Variants in TTC28 observed in about 807,000 individuals in gnomAD.
TTC28 encodes the protein tetratricopeptide repeat protein 28.
TTC28 carries 61 observed loss-of-function variants against 198.0 expected under a neutral mutation model. The observed-to-expected ratio is 0.31, with a 90% CI of 0.25 to 0.38. The LOEUF (loss-of-function observed/expected upper bound fraction) is 0.38. Among genes scored for constraint, TTC28 ranks in the 10% least tolerant of loss-of-function variants. The pLI, the probability that TTC28 is intolerant of heterozygous loss-of-function variation, is 1.00. For synonymous variants in TTC28, 1,171 were observed against 1,297.8 expected, an observed-to-expected ratio of 0.90 and a Z score of 2.10; for missense variants, 2,678 against 3,164.0, an observed-to-expected ratio of 0.85 and a Z score of 3.69.
At chr22:28,282,012 T>C (rs1035039227) in intron 5 of TTC28, among the ~76,000 whole-genome samples, 3 of 152,124 alleles carry the variant, frequency 2.0e-5, no homozygotes, top group Non-Finnish European at 4.4e-5. Flanking sequence ...CAAGTTTCTA[T>C]ATAATTTTAG....
chr22:28,336,797 G>T (rs1413759749), intron 2 of TTC28, among the ~76,000 whole-genome samples: 1 of 152,004 alleles, frequency 6.6e-6, no homozygotes, highest in African/African-American at 2.4e-5. Flanking sequence ...CCAGCTCCTG[G>T]ATTCACTGAT....
At chr22:28,239,755 T>TG (rs1350886177) in intron 5 of TTC28, among the ~76,000 whole-genome samples, 3 of 152,096 alleles carry the variant, frequency 2.0e-5, no homozygotes, top group African/African-American at 7.2e-5. Context: ...AAAAAAGGGA[T>TG]GGAGACATAT....
chr22:28,675,977 A>G (rs2051980790), intron 1 of TTC28, among the ~76,000 whole-genome samples: 1 of 152,132 alleles, frequency 6.6e-6, no homozygotes, highest in African/African-American at 2.4e-5. Context: ...GTCTTAAACA[A>G]TTATCATATG....
rs2048466206 is a variant in TTC28, at chr22:28,497,082, C to T, written c.381+132470G>A. 2.6e-5 allele frequency among the ~76,000 whole-genome samples: 4 copies of T among 152,186 alleles called. No homozygotes were observed. In the South Asian group the frequency reaches 8.3e-4, roughly 32 times the overall value. On this transcript the variant is annotated intron_variant, in intron 2 of 22. Coordinates refer to ENST00000397906, the MANE Select transcript of TTC28 (RefSeq NM_001145418.2). ...CCTATTTGAAATTGTAATCCCTCCCCACTTCCAATATTCTTGTGTCTCCTT... is the reference window on the plus strand; with the variant it reads ...CCTATTTGAAATTGTAATCCCTCCCTACTTCCAATATTCTTGTGTCTCCTT...
At chr22:28,619,271 T>C (rs951776316) in intron 2 of TTC28, among the ~76,000 whole-genome samples, 2 of 152,216 alleles carry the variant, frequency 1.3e-5, no homozygotes, top group Admixed American at 6.5e-5. Flanking sequence ...AACATTTTAT[T>C]TAATCCTCAC....
At chr22:28,014,885 G>A (rs1246769541) in intron 13 of TTC28, among the ~76,000 whole-genome samples, 1 of 152,186 alleles carries the variant, frequency 6.6e-6, no homozygotes, top group Non-Finnish European at 1.5e-5. Context: ...CGGGCTCTGT[G>A]GCAAGGCAGT....
At chr22:28,058,451 A>AT (rs937496020) in intron 12 of TTC28, among the ~76,000 whole-genome samples, 60 of 152,054 alleles carry the variant, frequency 3.9e-4, no homozygotes, top group African/African-American at 1.4e-3. Flanking sequence ...ATACTAACTG[A>AT]TTTTTTTTAA....
chr22:28,178,817 CAAAGACTCAAAGAGAT>C (rs1317820125), intron 5 of TTC28, among the ~76,000 whole-genome samples: 1 of 152,120 alleles, frequency 6.6e-6, no homozygotes, highest in African/African-American at 2.4e-5. Context: ...CTCAAAGAGG[CAAAGACTCAAAGAGAT>C]AAAGTGGCAT....
At chr22:28,136,334 A>G (rs542625153) in intron 6 of TTC28, among the ~76,000 whole-genome samples, 13 of 152,150 alleles carry the variant, frequency 8.5e-5, no homozygotes, top group Admixed American at 8.5e-4. Flanking sequence ...TTCTGTAGAG[A>G]TGAGGTCTCA....
At chr22:28,429,670 C>A (rs924625685) in intron 2 of TTC28, among the ~76,000 whole-genome samples, 5 of 152,138 alleles carry the variant, frequency 3.3e-5, no homozygotes, top group African/African-American at 9.7e-5. Flanking sequence ...TAAACCCATT[C>A]TTCCCACTTC....
At chr22:28,405,105 T>C (rs777526715) in intron 2 of TTC28, among the ~76,000 whole-genome samples, 1 of 152,230 alleles carries the variant, frequency 6.6e-6, no homozygotes, top group Non-Finnish European at 1.5e-5. Context: ...TGTAAGATCA[T>C]GTTCATTCTG....
chr22:28,242,278 A>T (rs1393015530), intron 5 of TTC28, among the ~76,000 whole-genome samples: 1 of 152,184 alleles, frequency 6.6e-6, no homozygotes, highest in Admixed American at 6.5e-5. Flanking sequence ...GACCGCTCCC[A>T]AATAAGTTTA....
chr22:28,013,515 G>A (rs141638501), intron 14 of TTC28, among the ~76,000 whole-genome samples: 1,601 of 152,310 alleles, frequency 0.011, 22 homozygotes, highest in South Asian at 0.017. Context: ...TGTCTTTAAC[G>A]TTAGACTCTA....
At chr22:28,417,483 G>T (rs2047186013) in intron 2 of TTC28, among the ~76,000 whole-genome samples, 1 of 151,398 alleles carries the variant, frequency 6.6e-6, no homozygotes, top group African/African-American at 2.4e-5. Flanking sequence ...CTCACAAAAA[G>T]AAAAAAACAA....
At position 28,467,897 on chromosome 22, in the gene TTC28, G is replaced by A. The variant is rs568855888; in HGVS notation, c.382-161254C>T. Among the ~76,000 whole-genome samples the A allele has an allele frequency of 6.6e-5, 10 of 152,152 alleles. No homozygotes were observed. The East Asian group carries it at 9.7e-4, about 15-fold the overall frequency. Reference sequence around the variant, plus strand: ...CCGTCTCAGCCTCCTGTGTAGCTGGGACCACAGGCGCATGCCACTGCGCCC... The same window carrying A: ...CCGTCTCAGCCTCCTGTGTAGCTGGAACCACAGGCGCATGCCACTGCGCCC... On this transcript the variant is annotated intron_variant, in intron 2 of 22. Coordinates refer to ENST00000397906, the MANE Select transcript of TTC28 (RefSeq NM_001145418.2).
chr22:28,644,398 CAAA>C (rs550663869), intron 1 of TTC28, among the ~76,000 whole-genome samples: 4 of 114,612 alleles, frequency 3.5e-5, no homozygotes, highest in Admixed American at 1.8e-4. Context: ...GACTCCATCT[CAAA>C]AAAAAAAAAA....
chr22:28,339,849 G>A (rs544340652), intron 2 of TTC28, among the ~76,000 whole-genome samples: 96 of 152,190 alleles, frequency 6.3e-4, no homozygotes, highest in African/African-American at 1.8e-3. Flanking sequence ...TGCGTGAGGC[G>A]ACGCCTCACC....
intron 2 of TTC28, among the ~76,000 whole-genome samples, chr22:28,553,031 C>T (rs1031745380): frequency 4.6e-5 from 7 of 152,094 alleles, no homozygotes; most frequent in Non-Finnish European, 8.8e-5. Flanking sequence ...GCGAGTGATC[C>T]GCCAGCCTCG....
At chr22:28,564,683 A>T (rs1253277039) in intron 2 of TTC28, among the ~76,000 whole-genome samples, 1 of 151,696 alleles carries the variant, frequency 6.6e-6, no homozygotes, top group Non-Finnish European at 1.5e-5. Flanking sequence ...AGGTATACCT[A>T]TCTAACAAGA....
Sources: allele counts gnomAD v4.1 joint callset (sites outside exome capture counted in the v4.1 genomes callset), GRCh38; gene constraint gnomAD v4.1.1; transcripts MANE v1.5; gene names NCBI Gene and HGNC (gene_info 2026-07-23, HGNC 2026-07-21).